PLXDC1: variants seen among roughly 807,000 people sequenced by gnomAD.
PLXDC1 encodes the protein plexin domain containing 1.
PLXDC1 carries 39 observed loss-of-function variants against 61.3 expected under a neutral mutation model. The observed-to-expected ratio is 0.64, with a 90% confidence interval of 0.49 to 0.83. The LOEUF (loss-of-function observed/expected upper bound fraction) is 0.83, where lower values mean the gene tolerates loss of function less well. PLXDC1 is among the 40% of genes least tolerant of loss of function. The probability of loss-of-function intolerance (pLI) is 0.00; values close to 1 mark genes in which losing one functional copy is unlikely to be tolerated. For synonymous variants in PLXDC1, 212 were observed against 254.5 expected (o/e 0.83, Z 1.59); for missense variants, 596 against 666.5 (o/e 0.89, Z 1.17).
intron 7 of PLXDC1, among the ~76,000 whole-genome samples, chr17:39,090,158 A>T (rs1198577206): frequency 1.3e-5 from 2 of 152,118 alleles, no homozygotes; most frequent in Non-Finnish European, 1.5e-5. Context: ...TTAACCCAGG[A>T]CTGCGCCCCC....
At chr17:39,077,015 G>A (rs1382554293) in intron 11 of PLXDC1, among the ~76,000 whole-genome samples, 2 of 152,114 alleles carry the variant, frequency 1.3e-5, no homozygotes, top group Admixed American at 6.5e-5. Flanking sequence ...TTACAAGCGT[G>A]AGCCACCGCG....
At chr17:39,106,007 C>T in intron 6 of PLXDC1, 54 bp from the exon 7 acceptor site, 1 of 1,217,856 alleles carries the variant, frequency 8.2e-7, no homozygotes. Flanking sequence ...GGGGCCCACC[C>T]AGCCCTCCCC....
chr17:39,146,755 CA>C (rs35028561), intron 1 of PLXDC1, among the ~76,000 whole-genome samples: 4,484 of 151,052 alleles, frequency 0.03, 80 homozygotes, highest in Non-Finnish European at 0.038. Flanking sequence ...ACTCAGGAAG[CA>C]GAGGCAGGAG....
At chr17:39,143,656 A>C (rs1231262811) in intron 1 of PLXDC1, among the ~76,000 whole-genome samples, 1 of 152,228 alleles carries the variant, frequency 6.6e-6, no homozygotes, top group Non-Finnish European at 1.5e-5. Flanking sequence ...GTCATTAGAC[A>C]TTGTATCCAA....
chr17:39,128,097 G>GTGTGTGTGTATATATATATATA (rs1911379292), intron 2 of PLXDC1, among the ~76,000 whole-genome samples: 2 of 67,500 alleles, frequency 3.0e-5, no homozygotes, highest in South Asian at 4.8e-4. Context: ...CTCTCTATGT[G>GTGTGTGTGTATATATATATATA]TATATATATA....
intron 7 of PLXDC1, among the ~76,000 whole-genome samples, chr17:39,090,388 G>A (rs187250998): frequency 6.6e-6 from 1 of 152,308 alleles, no homozygotes; most frequent in Non-Finnish European, 1.5e-5. Flanking sequence ...GCCACTAGGA[G>A]GGTGCACCTG....
At chr17:39,102,194 G>A (rs1282868351) in intron 7 of PLXDC1, among the ~76,000 whole-genome samples, 8 of 152,120 alleles carry the variant, frequency 5.3e-5, no homozygotes, top group Admixed American at 5.2e-4. Flanking sequence ...CCCAAGCCAG[G>A]CACAGTGCCT....
chr17:39,087,533 A>G, intron 8 of PLXDC1, 74 bp downstream of exon 8: 2 of 1,178,814 alleles, frequency 1.7e-6, no homozygotes, highest in Non-Finnish European at 2.5e-6. Flanking sequence ...GGAGTCAGTC[A>G]TGGGCCTGGG....
intron 2 of PLXDC1, among the ~76,000 whole-genome samples, chr17:39,125,363 C>G (rs901252292): frequency 2.6e-5 from 4 of 152,110 alleles, no homozygotes; most frequent in African/African-American, 9.7e-5. Flanking sequence ...CTAAGAAAGC[C>G]CTGGAAACAG....
chr17:39,137,844 C>T (rs1006146354), intron 2 of PLXDC1, among the ~76,000 whole-genome samples: 25 of 150,190 alleles, frequency 1.7e-4, no homozygotes, highest in African/African-American at 5.1e-4. Flanking sequence ...TACCAGCAGG[C>T]GAGTGGCTGG....
At chr17:39,124,403 G>T (rs900195773) in intron 2 of PLXDC1, among the ~76,000 whole-genome samples, 1 of 152,188 alleles carries the variant, frequency 6.6e-6, no homozygotes. Context: ...GACCAGCCTG[G>T]GCAACATAGG....
chr17:39,101,789 C>T (rs1910429003), intron 7 of PLXDC1, among the ~76,000 whole-genome samples: 1 of 152,154 alleles, frequency 6.6e-6, no homozygotes, highest in Non-Finnish European at 1.5e-5. Context: ...ATATGCAAAT[C>T]AGATGCCCCT....
intron 7 of PLXDC1, 64 bp from the exon 8 acceptor site, chr17:39,087,766 C>T: frequency 8.5e-7 from 1 of 1,173,554 alleles, no homozygotes; most frequent in Non-Finnish European, 1.2e-6. Context: ...GAGGCCTCTT[C>T]CCGGACAGTC....
chr17:39,083,867 T>G (rs1909650532), intron 8 of PLXDC1, among the ~76,000 whole-genome samples: 1 of 151,996 alleles, frequency 6.6e-6, no homozygotes, highest in Non-Finnish European at 1.5e-5. Context: ...CTTCCTTTTT[T>G]CCTTCTTCTG....
rs1908813357 is a variant in PLXDC1, at chr17:39,064,221, A to C, written c.*3619T>G. 1 of 152,288 alleles carries C rather than the reference A, an allele frequency of 6.6e-6. No homozygotes were observed. Among genetic ancestry groups the C allele is most frequent in the African/African-American group, 2.4e-5 (1 of 41,454 alleles). 9.4% of individuals were successfully genotyped at this position (152,288 alleles called of 1,614,324 possible). On this transcript the variant is annotated 3_prime_UTR_variant, in exon 14 of 14. Coordinates refer to ENST00000315392, the MANE Select transcript of PLXDC1 (RefSeq NM_020405.5). ...ATTTTTAAACAAATGCAGTGGGATG[A>C]TCATAGCTCTCTGCAGCCTTGAACT... is the stretch of plus-strand genomic sequence containing the variant.
At chr17:39,141,131 G>A (rs1351677223) in intron 1 of PLXDC1, among the ~76,000 whole-genome samples, 1 of 152,182 alleles carries the variant, frequency 6.6e-6, no homozygotes, top group East Asian at 1.9e-4. Context: ...CTGGGCTCAT[G>A]CGATCCTCCC....
intron 2 of PLXDC1, among the ~76,000 whole-genome samples, chr17:39,128,974 C>T (rs1911445152): frequency 6.6e-6 from 1 of 150,806 alleles, no homozygotes; most frequent in South Asian, 2.1e-4. Context: ...TGTGCCACTG[C>T]ACTCCAGTCT....
In PLXDC1 at chr17:39,139,657, C is replaced by T. The variant is rs754739059; in HGVS notation, c.252G>A (p.Val84=). 8 of 1,611,904 alleles carry T rather than the reference C, an allele frequency of 5.0e-6. No individual in the cohort carries two copies. The highest frequency in any genetic ancestry group is 4.4e-5 in the South Asian group (4 of 90,950). The change falls in exon 2 of 14, where the codon GTG becomes GTA. Residue 84 remains valine, a synonymous_variant. Transcript: ENST00000315392. The stretch of plus-strand genomic sequence containing the variant: ...TCCATGTTCCTCCAGCACTCACCAC[C>T]ACCCTGGTCCTGTTATCTGGCAGCG... The part of the protein sequence containing the change: ...MDTLPDNRTR[V]VEDNHSYYVS...
At chr17:39,152,422 GGATA>G (rs2045380254), upstream of PLXDC1, 26 of 878,922 alleles carry the variant, frequency 3.0e-5, no homozygotes, top group African/African-American at 7.0e-5. Flanking sequence ...CAGGCTCTGG[GGATA>G]GATAATCTTT....
Sources: allele counts gnomAD v4.1 joint callset (sites outside exome capture counted in the v4.1 genomes callset), GRCh38; gene constraint gnomAD v4.1.1; transcripts MANE v1.5; gene names NCBI Gene and HGNC (gene_info 2026-07-23, HGNC 2026-07-21).